COQ10B: variants seen among roughly 807,000 people sequenced by gnomAD.
The protein encoded by COQ10B is coenzyme Q10B.
COQ10B carries 12 observed loss-of-function variants against 27.6 expected under a neutral mutation model. The observed-to-expected ratio is 0.43, with a 90% CI of 0.28 to 0.70. The LOEUF (loss-of-function observed/expected upper bound fraction) is 0.70. COQ10B is among the 30% of genes least tolerant of loss of function. The pLI, the probability that COQ10B is intolerant of heterozygous loss-of-function variation, is 0.17. For synonymous variants in COQ10B, 115 were observed against 103.0 expected, an observed-to-expected ratio of 1.12 and a Z score of -0.71; for missense variants, 278 against 288.7, an observed-to-expected ratio of 0.96 and a Z score of 0.27.
chr2:197,466,971 G>A (rs1196179874), intron 3 of COQ10B, among the ~76,000 whole-genome samples: 1 of 146,852 alleles, frequency 6.8e-6, no homozygotes, highest in Non-Finnish European at 1.5e-5. Context: ...TTGAGACCAA[G>A]TTTCACTCTT....
Position 197,474,091 on chromosome 2 carries a change from A to G in COQ10B, c.*167A>G. 1 of 410,682 alleles carries G rather than the reference A, an allele frequency of 2.4e-6. No individual in the cohort carries two copies. Among genetic ancestry groups the G allele is most frequent in the Non-Finnish European group, 4.2e-6 (1 of 235,354 alleles). 25.4% of individuals were successfully genotyped at this position (410,682 alleles called of 1,614,324 possible). ...ACATAGAATATAGACTCACTTGTAC[A>G]TAGAATTATTTCTTCAAGTATAATT... On this transcript the variant is annotated 3_prime_UTR_variant, in exon 5 of 5. Coordinates refer to ENST00000263960, the MANE Select transcript of COQ10B (RefSeq NM_025147.5).
At chr2:197,473,415 A>AAATATATAT (rs1229206676) in intron 4 of COQ10B, among the ~76,000 whole-genome samples, 182 of 59,470 alleles carry the variant, frequency 3.1e-3, no homozygotes, top group Middle Eastern at 0.021. Context: ...AAAAAAAAAA[A>AAATATATAT]ATATATATAT....
intron 1 of COQ10B, among the ~76,000 whole-genome samples, chr2:197,457,424 A>G (rs771922255): frequency 1.3e-5 from 2 of 152,238 alleles, no homozygotes; most frequent in Non-Finnish European, 2.9e-5. Flanking sequence ...GTATCGAAAC[A>G]TAGAATTATG....
At chr2:197,459,407 TC>T (rs2106047082) in intron 1 of COQ10B, among the ~76,000 whole-genome samples, 1 of 152,198 alleles carries the variant, frequency 6.6e-6, no homozygotes, top group South Asian at 2.1e-4. Context: ...CTCAAGGGAT[TC>T]TCATGCATCA....
chr2:197,463,591 G>C (rs1559292926), intron 3 of COQ10B, among the ~76,000 whole-genome samples: 1 of 149,306 alleles, frequency 6.7e-6, no homozygotes, highest in Non-Finnish European at 1.5e-5. Flanking sequence ...CTGGGCAACA[G>C]AGTGAGACAG....
rs556903719 is a variant in COQ10B at position 197,454,199 on chromosome 2, C to T, written c.104+535C>T. On this transcript the variant is annotated intron_variant, in intron 1 of 4. Transcript: ENST00000263960. Reference sequence around the variant, plus strand: ...CTTGGATTTTTTCACTCTGCTGTAACTTACAGGTCCTGTAACCTTGAAGCA... The same window carrying T: ...CTTGGATTTTTTCACTCTGCTGTAATTTACAGGTCCTGTAACCTTGAAGCA... 4.7e-5 allele frequency: 66 copies of T among 1,408,746 alleles called. No homozygotes were observed. In the African/African-American group the frequency reaches 8.9e-4, roughly 19 times the overall value. 87.3% of individuals were successfully genotyped at this position (1,408,746 alleles called of 1,614,324 possible).
At chr2:197,466,047 G>A (rs1476192246) in intron 3 of COQ10B, among the ~76,000 whole-genome samples, 5 of 152,056 alleles carry the variant, frequency 3.3e-5, no homozygotes, top group African/African-American at 7.2e-5. Flanking sequence ...AGCCGAGATC[G>A]CGCCATTGCA....
intron 1 of COQ10B, among the ~76,000 whole-genome samples, chr2:197,458,682 CT>C (rs138890869): frequency 1.4e-3 from 199 of 139,846 alleles, no homozygotes; most frequent in Admixed American, 2.0e-3. Flanking sequence ...TTTCTTTTCT[CT>C]TTTTTTTTTT....
At chr2:197,473,415 A>AATATATATAT (rs1161758409) in intron 4 of COQ10B, among the ~76,000 whole-genome samples, 189 of 59,370 alleles carry the variant, frequency 3.2e-3, no homozygotes, top group East Asian at 6.6e-3. Flanking sequence ...AAAAAAAAAA[A>AATATATATAT]ATATATATAT....
chr2:197,467,439 G>A (rs112809552), intron 3 of COQ10B, among the ~76,000 whole-genome samples: 3,495 of 151,528 alleles, frequency 0.023, 128 homozygotes, highest in African/African-American at 0.081. Context: ...GTGCAATGGC[G>A]CAATCTCAGC....
intron 2 of COQ10B, 78 bp from the exon 3 acceptor site, chr2:197,462,461 A>G: frequency 1.4e-6 from 1 of 732,902 alleles, no homozygotes; most frequent in Admixed American, 3.3e-5. Flanking sequence ...TAAGTTTTAT[A>G]CATATTCACT....
intron 3 of COQ10B, among the ~76,000 whole-genome samples, chr2:197,463,418 C>G (rs1031928690): frequency 1.3e-5 from 2 of 151,622 alleles, no homozygotes; most frequent in East Asian, 3.9e-4. Flanking sequence ...TTGCAGTGTG[C>G]CGAGATAGTG....
At chr2:197,470,381 A>G (rs942161182) in intron 4 of COQ10B, among the ~76,000 whole-genome samples, 1 of 152,218 alleles carries the variant, frequency 6.6e-6, no homozygotes, top group Non-Finnish European at 1.5e-5. Flanking sequence ...GATACATGCC[A>G]TGACTTTACA....
chr2:197,466,575 T>G (rs2085826685), intron 3 of COQ10B, among the ~76,000 whole-genome samples: 1 of 152,232 alleles, frequency 6.6e-6, no homozygotes, highest in Non-Finnish European at 1.5e-5. Flanking sequence ...TCCTTACTTA[T>G]GAAGCTTTCA....
chr2:197,454,010 G>T, intron 1 of COQ10B: 1 of 1,551,198 alleles, frequency 6.4e-7, no homozygotes, highest in Non-Finnish European at 8.7e-7. Context: ...TGCGCAGAAG[G>T]GTTGCCGGCT....
At chr2:197,462,438 T>C (rs1248226511) in intron 2 of COQ10B, 101 bp from the exon 3 acceptor site, 2 of 628,182 alleles carry the variant, frequency 3.2e-6, no homozygotes, top group Admixed American at 7.5e-5. Flanking sequence ...AATGATTTAT[T>C]TATCATACAC....
intron 3 of COQ10B, among the ~76,000 whole-genome samples, chr2:197,469,477 T>A (rs1297112588): frequency 6.6e-6 from 1 of 152,178 alleles, no homozygotes; most frequent in Non-Finnish European, 1.5e-5. Context: ...AGTATACATG[T>A]GCATTGAAAA....
At chr2:197,464,934 C>T (rs1220502423) in intron 3 of COQ10B, among the ~76,000 whole-genome samples, 2 of 147,492 alleles carry the variant, frequency 1.4e-5, no homozygotes, top group African/African-American at 2.5e-5. Flanking sequence ...AGTGCAGTGG[C>T]GCTTCCAGTG....
At chr2:197,463,764 C>A (rs1415235365) in intron 3 of COQ10B, among the ~76,000 whole-genome samples, 2 of 149,760 alleles carry the variant, frequency 1.3e-5, no homozygotes, top group African/African-American at 4.9e-5. Context: ...GAAACACCGT[C>A]TCTACTAAAA....
Sources: allele counts gnomAD v4.1 joint callset (sites outside exome capture counted in the v4.1 genomes callset), GRCh38; gene constraint gnomAD v4.1.1; transcripts MANE v1.5; gene names NCBI Gene and HGNC (gene_info 2026-07-23, HGNC 2026-07-21).